The following ZNF385D variants were observed in gnomAD, a reference collection of about 807,000 sequenced individuals.
ZNF385D encodes zinc finger protein 385D.
Under a neutral mutation model 35.8 loss-of-function variants are expected in ZNF385D, and 15 were observed. That is an observed-to-expected ratio of 0.42 (90% CI 0.28 to 0.64). The LOEUF is 0.64. ZNF385D is among the 30% of genes least tolerant of loss of function. The probability of loss-of-function intolerance (pLI) is 0.23; values close to 1 mark genes in which losing one functional copy is unlikely to be tolerated. For missense variants in ZNF385D, 474 were observed against 494.6 expected (o/e 0.96, Z 0.39); for synonymous variants, 212 against 186.8 (o/e 1.13, Z -1.10).
Position 22,247,521 on chromosome 3 carries a change from G to A in ZNF385D, c.107-78486C>T, listed in dbSNP as rs193201843. Among the ~76,000 whole-genome samples the A allele has an allele frequency of 7.0e-4, 106 of 151,788 alleles. 1 individual carries two copies. Among genetic ancestry groups the A allele is most frequent in the African/African-American group, 2.3e-3 (96 of 41,418 alleles). On this transcript the variant is annotated intron_variant, in intron 2 of 5. Transcript: ENST00000494108. ...GTTAGAAATGTTTTGAGAACCATAC[G>A]GTATAATTTCTTGAAAATCACACAA...
intron 4 of ZNF385D, among the ~76,000 whole-genome samples, chr3:21,438,378 C>T (rs534334110): frequency 3.3e-5 from 5 of 152,216 alleles, no homozygotes; most frequent in Non-Finnish European, 5.9e-5. Flanking sequence ...GATAAAGAGA[C>T]TTGGCCAGGA....
At chr3:22,303,696 T>C (rs757360075) in intron 2 of ZNF385D, among the ~76,000 whole-genome samples, 4 of 152,156 alleles carry the variant, frequency 2.6e-5, no homozygotes, top group Non-Finnish European at 2.9e-5. Context: ...TTACGGTATA[T>C]GTTTAATGTA....
At chr3:22,094,968 C>T (rs961729463) in intron 3 of ZNF385D, among the ~76,000 whole-genome samples, 1 of 151,938 alleles carries the variant, frequency 6.6e-6, no homozygotes, top group Non-Finnish European at 1.5e-5. Flanking sequence ...TATAGTGGCT[C>T]ATGATCATAG....
intron 3 of ZNF385D, among the ~76,000 whole-genome samples, chr3:21,977,556 T>C (rs1190988978): frequency 6.6e-6 from 1 of 152,128 alleles, no homozygotes; most frequent in Non-Finnish European, 1.5e-5. Context: ...TGGTGGCTGA[T>C]GACTGAAATC....
At chr3:22,352,215 A>G (rs925124919) in intron 2 of ZNF385D, among the ~76,000 whole-genome samples, 6 of 152,198 alleles carry the variant, frequency 3.9e-5, no homozygotes, top group Non-Finnish European at 8.8e-5. Flanking sequence ...TGAAGAAAAA[A>G]GTAAGGCAAA....
At chr3:22,022,936 C>T (rs756643825) in intron 3 of ZNF385D, among the ~76,000 whole-genome samples, 6 of 152,026 alleles carry the variant, frequency 3.9e-5, no homozygotes, top group Non-Finnish European at 7.4e-5. Flanking sequence ...CTGTGGGGAT[C>T]AGGGAAGAGG....
In ZNF385D at chr3:21,421,039, C is replaced by G. The variant is rs1436585073; in HGVS notation, c.*175G>C. 2.2e-5 allele frequency: 5 copies of G among 229,158 alleles called. 1 individual carries two copies. The highest frequency in any genetic ancestry group is 4.5e-5 in the Non-Finnish European group (5 of 112,180). The allele number at this position is 229,158 out of a possible 1,614,324, so 14.2% of individuals were successfully genotyped here. ...TAATTTGGAGAAAATACCACTCCCT[C>G]CCTCCCACCCCCAAACCTCCCCCAC... is the stretch of plus-strand genomic sequence containing the variant. On this transcript the variant is annotated 3_prime_UTR_variant, in exon 8 of 8. Transcript: ENST00000281523.
At chr3:21,885,734 C>CCGTG (rs1698506769) in intron 3 of ZNF385D, among the ~76,000 whole-genome samples, 1 of 131,844 alleles carries the variant, frequency 7.6e-6, no homozygotes, top group Non-Finnish European at 1.7e-5. Flanking sequence ...CAGGGTGTGT[C>CCGTG]TGTGTCTGTG....
At chr3:22,259,328 G>A (rs1201684912) in intron 2 of ZNF385D, among the ~76,000 whole-genome samples, 1 of 151,806 alleles carries the variant, frequency 6.6e-6, no homozygotes, top group Non-Finnish European at 1.5e-5. Flanking sequence ...TCTAATTTTT[G>A]CATGAAAACA....
At chr3:22,277,474 G>C (rs555594197) in intron 2 of ZNF385D, among the ~76,000 whole-genome samples, 6 of 152,154 alleles carry the variant, frequency 3.9e-5, no homozygotes, top group Admixed American at 3.9e-4. Flanking sequence ...ATTCAAGAAA[G>C]CAGCAGAAGA....
At chr3:21,771,204 C>T (rs201445997) in intron 3 of ZNF385D, among the ~76,000 whole-genome samples, 1 of 151,136 alleles carries the variant, frequency 6.6e-6, no homozygotes, top group Admixed American at 6.6e-5. Context: ...CAAACCTGCA[C>T]GTTGTGGACA....
chr3:22,071,589 A>C (rs1275921524), intron 3 of ZNF385D, among the ~76,000 whole-genome samples: 1 of 152,188 alleles, frequency 6.6e-6, no homozygotes, highest in Admixed American at 6.6e-5. Context: ...CTTTCCCTGT[A>C]ATATTGCAGA....
At chr3:21,842,401 C>A (rs1695737633) in intron 3 of ZNF385D, among the ~76,000 whole-genome samples, 1 of 151,932 alleles carries the variant, frequency 6.6e-6, no homozygotes, top group Non-Finnish European at 1.5e-5. Flanking sequence ...TTCCTATTGC[C>A]TATGTGAATT....
At chr3:22,157,926 G>A (rs1305229614) in intron 3 of ZNF385D, among the ~76,000 whole-genome samples, 1 of 152,126 alleles carries the variant, frequency 6.6e-6, no homozygotes, top group Non-Finnish European at 1.5e-5. Context: ...AACTGGAATA[G>A]AGTCTAGATG....
At chr3:22,134,083 T>C (rs1703962779) in intron 3 of ZNF385D, 1 of 151,988 alleles carries the variant, frequency 6.6e-6, no homozygotes, top group South Asian at 2.1e-4. Context: ...AATACTAAAG[T>C]ATCAATAATT....
chr3:21,813,478 T>C (rs911668003), intron 3 of ZNF385D, among the ~76,000 whole-genome samples: 2 of 152,134 alleles, frequency 1.3e-5, no homozygotes, highest in Admixed American at 6.5e-5. Flanking sequence ...AATGGCTAAC[T>C]AGAATCAACA....
At chr3:21,652,620 C>T (rs965113931) in intron 2 of ZNF385D, among the ~76,000 whole-genome samples, 3 of 139,454 alleles carry the variant, frequency 2.2e-5, no homozygotes, top group Non-Finnish European at 3.1e-5. Context: ...GCTATCCCTC[C>T]CCCCTCCCCC....
intron 2 of ZNF385D, among the ~76,000 whole-genome samples, chr3:22,177,915 C>A (rs1186130729): frequency 6.6e-6 from 1 of 152,156 alleles, no homozygotes; most frequent in African/African-American, 2.4e-5. Context: ...AACATGAACT[C>A]ATCCTTTTTT....
intron 2 of ZNF385D, among the ~76,000 whole-genome samples, chr3:22,188,296 A>G (rs928653576): frequency 2.0e-5 from 3 of 152,296 alleles, no homozygotes; most frequent in Admixed American, 6.6e-5. Context: ...GGAGAGATGA[A>G]AGACCAATGG....
Sources: allele counts gnomAD v4.1 joint callset (sites outside exome capture counted in the v4.1 genomes callset), GRCh38; gene constraint gnomAD v4.1.1; transcripts MANE v1.5; gene names NCBI Gene and HGNC (gene_info 2026-07-23, HGNC 2026-07-21).